The following PLCE1 variants were observed in gnomAD, a reference collection of about 807,000 sequenced individuals.
PLCE1 encodes the protein phospholipase C epsilon 1, also known as 1-phosphatidylinositol 4,5-bisphosphate phosphodiesterase epsilon-1.
Under a neutral mutation model 242.8 loss-of-function variants are expected in PLCE1, and 119 were observed. That is an observed-to-expected ratio of 0.49 (90% confidence interval 0.42 to 0.57). The LOEUF (loss-of-function observed/expected upper bound fraction) is 0.57. PLCE1 is among the 20% of genes least tolerant of loss of function. The pLI is 0.00. For missense variants in PLCE1, 2,441 were observed against 2,788.8 expected (o/e 0.88, Z 2.81); for synonymous variants, 945 against 1,017.4 (o/e 0.93, Z 1.35).
chr10:94,087,603 A>G (rs901492105), intron 2 of PLCE1, among the ~76,000 whole-genome samples: 5 of 151,774 alleles, frequency 3.3e-5, no homozygotes, highest in Admixed American at 3.3e-4. Context: ...TGCCCAGCTA[A>G]TTTTAATGTT....
chr10:94,057,997 T>A (rs2043953075), intron 2 of PLCE1, among the ~76,000 whole-genome samples: 1 of 152,206 alleles, frequency 6.6e-6, no homozygotes, highest in African/African-American at 2.4e-5. Flanking sequence ...AGGCTTGACA[T>A]TTGAGAACCA....
At chr10:94,040,124 A>G (rs1217027957) in intron 2 of PLCE1, among the ~76,000 whole-genome samples, 1 of 152,110 alleles carries the variant, frequency 6.6e-6, no homozygotes, top group African/African-American at 2.4e-5. Flanking sequence ...AAATATGATT[A>G]AAAATTTTTT....
rs545303259 is a variant in PLCE1, at chr10:94,198,064, A to G, written c.1809+26568A>G. 3.2e-5 allele frequency among the ~76,000 whole-genome samples: 4 copies of G among 126,610 alleles called. No individual in the cohort carries two copies. In the South Asian group the frequency reaches 9.5e-4, roughly 30 times the overall value. 83.1% of individuals were successfully genotyped at this position (126,610 alleles called of 152,430 possible). ...AACCTGTTGGATGAACTGATGAACC[A>G]CCCCCCACCAAAAAAAAAAAAGATA... On this transcript the variant is annotated intron_variant, in intron 4 of 32. Coordinates refer to ENST00000371380, the MANE Select transcript of PLCE1 (RefSeq NM_016341.4).
intron 9 of PLCE1, 72 bp from the exon 10 acceptor site, chr10:94,254,118 G>C: frequency 9.0e-7 from 1 of 1,110,986 alleles, no homozygotes; most frequent in Non-Finnish European, 1.4e-6. Flanking sequence ...AGAAAATAGA[G>C]ACCTACCTGA....
rs1206355849 is a variant in PLCE1, at chr10:94,255,878, T to TCACACA, written c.3554+861_3554+866dup. Among the ~76,000 whole-genome samples, 288 of 66,682 alleles carry TCACACA rather than the reference T, an allele frequency of 4.3e-3. 4 individuals carry two copies. Among genetic ancestry groups the TCACACA allele is most frequent in the East Asian group, 0.016 (27 of 1,666 alleles). The allele number at this position is 66,682 out of a possible 152,430, so 43.7% of individuals were successfully genotyped here. A position where few individuals can be genotyped will look rare whatever the true frequency, so the allele number is the denominator to read the frequency against. On this transcript the variant is annotated intron_variant, in intron 11 of 32. Coordinates refer to ENST00000371380, the MANE Select transcript of PLCE1 (RefSeq NM_016341.4). ...TAAAACAGGAACTCTTTACTTTATC[T>TCACACA]CACACACACACACACACACACACAC...
chr10:94,225,657 T>G (rs1457582473), intron 4 of PLCE1, among the ~76,000 whole-genome samples: 1 of 152,144 alleles, frequency 6.6e-6, no homozygotes, highest in Non-Finnish European at 1.5e-5. Flanking sequence ...AGAAAGAAAC[T>G]GTCAACTTTC....
chr10:94,252,772 G>T (rs950421287), intron 9 of PLCE1, among the ~76,000 whole-genome samples: 10 of 152,166 alleles, frequency 6.6e-5, no homozygotes, highest in African/African-American at 2.2e-4. Flanking sequence ...TGCTGTGGGG[G>T]CAGAGAGAAG....
chr10:94,076,391 G>A (rs1430468101), intron 2 of PLCE1, among the ~76,000 whole-genome samples: 2 of 152,138 alleles, frequency 1.3e-5, no homozygotes, highest in African/African-American at 4.8e-5. Flanking sequence ...TTACATTACT[G>A]TCAGGTGATT....
chr10:94,206,456 A>T (rs544003267), intron 4 of PLCE1, among the ~76,000 whole-genome samples: 9 of 152,320 alleles, frequency 5.9e-5, no homozygotes, highest in Non-Finnish European at 1.2e-4. Context: ...GAAAGTTGTG[A>T]TCAAATTGCA....
chr10:94,244,781 C>A (rs2137487504), intron 7 of PLCE1, among the ~76,000 whole-genome samples: 1 of 152,258 alleles, frequency 6.6e-6, no homozygotes, highest in Admixed American at 6.5e-5. Context: ...CAGCTCACTG[C>A]AGACTCTACC....
rs2052380526 is a variant in PLCE1 at position 94,284,908 on chromosome 10, C to T, written c.4978C>T (p.Gln1660Ter). 6.2e-7 allele frequency: 1 copy of T among 1,612,036 alleles called. No homozygotes were observed. The highest frequency in any genetic ancestry group is 1.3e-5 in the African/African-American group (1 of 74,852). The part of the protein sequence containing the change: ...YLDQNKKESR[Q>*]IAPELSDLVI... ...TGATCAGAATAAAAAGGAAAGCAGA[C>T]AGATTGCACCAGAGCTTTCTGACCT... Residue 1660 changes from glutamine (Q) to a stop codon, truncating the protein, a stop_gained, in exon 22 of 33, where the codon CAG becomes TAG. Transcript: ENST00000371380. LOFTEE classifies it high-confidence loss of function.
intron 5 of PLCE1, among the ~76,000 whole-genome samples, chr10:94,228,804 T>C (rs1432177797): frequency 6.6e-6 from 1 of 151,394 alleles, no homozygotes; most frequent in Non-Finnish European, 1.5e-5. Flanking sequence ...AAGGAAAAAG[T>C]GGGGAGAAAA....
intron 27 of PLCE1, among the ~76,000 whole-genome samples, chr10:94,309,770 C>T (rs1285296833): frequency 1.3e-5 from 2 of 152,178 alleles, no homozygotes; most frequent in East Asian, 1.9e-4. Flanking sequence ...TGCAGCGGCT[C>T]ATGCCTCTAA....
intron 20 of PLCE1, chr10:94,283,047 A>T (rs2052301358): frequency 6.6e-6 from 1 of 152,174 alleles, no homozygotes; most frequent in African/African-American, 2.4e-5. Context: ...GCGATACTAA[A>T]TCTTGAGTGA....
intron 4 of PLCE1, among the ~76,000 whole-genome samples, chr10:94,179,652 C>G (rs2048245376): frequency 6.6e-6 from 1 of 151,338 alleles, no homozygotes; most frequent in South Asian, 2.1e-4. Flanking sequence ...ACTACAGGTG[C>G]ACACCACCTC....
At chr10:94,003,936 A>G (rs2060984895) in intron 1 of PLCE1, among the ~76,000 whole-genome samples, 1 of 152,156 alleles carries the variant, frequency 6.6e-6, no homozygotes. Flanking sequence ...TCATGAGGTC[A>G]GGAGTTCGAG....
rs868033486 is a variant in PLCE1, at chr10:94,308,595, C to T, written c.5899C>T (p.Gln1967Ter). The T allele has an allele frequency of 6.2e-7, 1 of 1,608,792 alleles. No homozygotes were observed. The highest frequency in any genetic ancestry group is 1.7e-5 in the Admixed American group (1 of 60,026). ...TATTACTCCAGGATATCGACATCTTCAGCTGCGAAACCTTCACAATGAAGT... is the reference window on the plus strand; with the variant it reads ...TATTACTCCAGGATATCGACATCTTTAGCTGCGAAACCTTCACAATGAAGT... ...KALKRGYRHL[Q>*]LRNLHNEVLE... Residue 1967 changes from glutamine (Q) to a stop codon, truncating the protein, a stop_gained, in exon 27 of 33, where the codon CAG becomes TAG. Coordinates refer to ENST00000371380, the MANE Select transcript of PLCE1 (RefSeq NM_016341.4). LOFTEE classifies it high-confidence loss of function.
intron 14 of PLCE1, among the ~76,000 whole-genome samples, chr10:94,263,183 T>TTTTTTTAACAAAATACCAAGTATG (rs1440280183): frequency 4.0e-5 from 6 of 151,854 alleles, no homozygotes; most frequent in African/African-American, 9.7e-5. Flanking sequence ...TTTTGTTTTG[T>TTTTTTTAACAAAATACCAAGTATG]TTTTTTAACA....
In PLCE1 at chr10:94,168,525, C is replaced by T. The variant is rs187944778; in HGVS notation, c.1493-2655C>T. Among the ~76,000 whole-genome samples, 869 of 152,164 alleles carry T rather than the reference C, an allele frequency of 5.7e-3. 1 individual carries two copies. Among genetic ancestry groups the T allele is most frequent in the Admixed American group, 8.3e-3 (127 of 15,288 alleles). On this transcript the variant is annotated intron_variant, in intron 3 of 32. Transcript: ENST00000371380. ...CTGAGATACATGCTTATACTGGGAC[C>T]GCCAGATTTATTAGGGTTACACTGA...
Sources: allele counts gnomAD v4.1 joint callset (sites outside exome capture counted in the v4.1 genomes callset), GRCh38; gene constraint gnomAD v4.1.1; transcripts MANE v1.5; gene names NCBI Gene and HGNC (gene_info 2026-07-23, HGNC 2026-07-21).